The following LGR6 variants were observed in gnomAD, a reference collection of about 807,000 sequenced individuals.
The protein encoded by LGR6 is leucine-rich repeat-containing G protein-coupled receptor 6.
Under a neutral mutation model 69.4 loss-of-function variants are expected in LGR6, and 45 were observed. The ratio of observed to expected loss-of-function variants is 0.65; its 90% confidence interval spans 0.51 to 0.83. The LOEUF (loss-of-function observed/expected upper bound fraction) is 0.83, where lower values mean the gene tolerates loss of function less well. LGR6 is among the 40% of genes least tolerant of loss of function. The pLI is 0.00. For missense variants in LGR6, 1,108 were observed against 1,246.7 expected (o/e 0.89, Z 1.68); for synonymous variants, 538 against 555.0 (o/e 0.97, Z 0.43).
chr1:202,311,988 G>C (rs1050104213), intron 16 of LGR6, among the ~76,000 whole-genome samples: 2 of 152,202 alleles, frequency 1.3e-5, no homozygotes, highest in Non-Finnish European at 2.9e-5. Context: ...AGCTGTCCCC[G>C]GGGGACATTC....
rs574699885 is a variant in LGR6 at position 202,210,332 on chromosome 1, T to C, written c.213-15091T>C. On this transcript the variant is annotated intron_variant, in intron 1 of 17. Transcript: ENST00000367278. Reference sequence around the variant, plus strand: ...AGTGCTGGCCCAAGCCCTCTGCACATGGATGCTCAAAAATATTGGTGGAAT... The same window carrying C: ...AGTGCTGGCCCAAGCCCTCTGCACACGGATGCTCAAAAATATTGGTGGAAT... 3.3e-5 allele frequency among the ~76,000 whole-genome samples: 5 copies of C among 150,216 alleles called. No individual in the cohort carries two copies. In the East Asian group the frequency reaches 9.8e-4, roughly 30 times the overall value.
intron 6 of LGR6, among the ~76,000 whole-genome samples, chr1:202,295,047 G>T (rs1414542742): frequency 6.6e-6 from 1 of 152,174 alleles, no homozygotes; most frequent in Non-Finnish European, 1.5e-5. Context: ...AGACTTTTCA[G>T]CTGGGCACGG....
At chr1:202,314,605 A>G (rs115300665) in intron 16 of LGR6, among the ~76,000 whole-genome samples, 197 bp from the exon 17 acceptor site, 116 of 152,358 alleles carry the variant, frequency 7.6e-4, no homozygotes, top group African/African-American at 2.7e-3. Flanking sequence ...TTCAGTGCAG[A>G]TAATCCACAT....
chr1:202,262,043 A>G (rs2148108969), intron 4 of LGR6, among the ~76,000 whole-genome samples: 1 of 151,882 alleles, frequency 6.6e-6, no homozygotes, highest in South Asian at 2.1e-4. Flanking sequence ...TTGCCTGTTC[A>G]CTCTGATGGT....
At chr1:202,299,930 T>G (rs1667455633) in intron 7 of LGR6, among the ~76,000 whole-genome samples, 1 of 152,256 alleles carries the variant, frequency 6.6e-6, no homozygotes, top group South Asian at 2.1e-4. Flanking sequence ...CACATAATTC[T>G]GGCTTCCAGA....
chr1:202,195,175 C>T (rs369502466), intron 1 of LGR6, among the ~76,000 whole-genome samples: 10 of 53,142 alleles, frequency 1.9e-4, no homozygotes, highest in African/African-American at 4.7e-4. Context: ...GGTGGGAAAG[C>T]CTGGTGGGGC....
chr1:202,206,619 C>T (rs189050985), intron 1 of LGR6, among the ~76,000 whole-genome samples: 157 of 151,596 alleles, frequency 1.0e-3, no homozygotes, highest in African/African-American at 3.6e-3. Flanking sequence ...GTACGATCTC[C>T]GCTCACTGCA....
intron 6 of LGR6, among the ~76,000 whole-genome samples, chr1:202,284,335 T>C (rs1351373814): frequency 6.6e-6 from 1 of 152,210 alleles, no homozygotes; most frequent in Non-Finnish European, 1.5e-5. Context: ...CCGAACTTGC[T>C]GGGAAATTGA....
intron 15 of LGR6, 137 bp from the exon 16 acceptor site, chr1:202,310,060 C>T (rs1483419600): frequency 6.1e-6 from 5 of 822,258 alleles, no homozygotes; most frequent in Admixed American, 4.5e-5. Context: ...ACTGCCAGCA[C>T]AGTGAACAGG....
chr1:202,214,303 A>G, intron 1 of LGR6: 14 of 1,424,580 alleles, frequency 9.8e-6, no homozygotes, highest in Non-Finnish European at 1.3e-5. Context: ...CCTGGGGAGC[A>G]GGACCCAGAA....
At chr1:202,297,924 G>T (rs982835697) in intron 7 of LGR6, among the ~76,000 whole-genome samples, 3 of 152,338 alleles carry the variant, frequency 2.0e-5, no homozygotes, top group Middle Eastern at 3.4e-3. Flanking sequence ...ATGAGGAAAG[G>T]AACTGAGAAC....
chr1:202,297,208 T>A (rs1667223851), intron 6 of LGR6, among the ~76,000 whole-genome samples: 1 of 152,212 alleles, frequency 6.6e-6, no homozygotes, highest in African/African-American at 2.4e-5. Context: ...AGGCTTGAGA[T>A]GCTTTCTTCA....
chr1:202,197,398 C>G (rs1248788116), intron 1 of LGR6: 1 of 533,140 alleles, frequency 1.9e-6, no homozygotes, highest in East Asian at 5.4e-5. Flanking sequence ...CAGATACTCA[C>G]AATCCTCCAT....
At chr1:202,309,728 C>G (rs189892832) in intron 15 of LGR6, among the ~76,000 whole-genome samples, 15 of 152,346 alleles carry the variant, frequency 9.8e-5, no homozygotes, top group Middle Eastern at 3.4e-3. Flanking sequence ...AAATCCAGCT[C>G]CAATATGCCC....
chr1:202,240,035 A>G (rs1188469133), intron 4 of LGR6, among the ~76,000 whole-genome samples: 2 of 152,118 alleles, frequency 1.3e-5, no homozygotes, highest in African/African-American at 4.8e-5. Context: ...CTTTGACATC[A>G]GGGTATACCG....
intron 1 of LGR6, among the ~76,000 whole-genome samples, chr1:202,201,834 G>A (rs2993429): frequency 1.3e-5 from 2 of 151,976 alleles, no homozygotes. Context: ...ACAGAAATTG[G>A]GGACTCTGGG....
chr1:202,218,168 C>G (rs1181764837), intron 1 of LGR6, among the ~76,000 whole-genome samples: 1 of 152,216 alleles, frequency 6.6e-6, no homozygotes, highest in Non-Finnish European at 1.5e-5. Context: ...CTGCCATGAA[C>G]TTGCCATGTG....
chr1:202,280,924 G>A, intron 6 of LGR6, 72 bp downstream of exon 6: 1 of 1,391,844 alleles, frequency 7.2e-7, no homozygotes, highest in Non-Finnish European at 1.0e-6. Context: ...AGTGGAGGGA[G>A]CACACAGAGG....
intron 4 of LGR6, among the ~76,000 whole-genome samples, chr1:202,273,001 C>T (rs1380561439): frequency 6.6e-6 from 1 of 152,196 alleles, no homozygotes; most frequent in Non-Finnish European, 1.5e-5. Flanking sequence ...TCCCATCATG[C>T]ACCTCAGTGC....
Sources: gnomAD v4.1 joint callset for allele counts (sites outside exome capture counted in the v4.1 genomes callset) on GRCh38, gnomAD v4.1.1 for gene constraint, MANE v1.5 for transcripts, NCBI Gene and HGNC (gene_info 2026-07-23, HGNC 2026-07-21) for gene names.